LCLAT1: variants seen among roughly 807,000 people sequenced by gnomAD.
LCLAT1 encodes 1-AGP acyltransferase 8.
LCLAT1 carries 11 observed loss-of-function variants against 30.7 expected under a neutral mutation model. The observed-to-expected ratio is 0.36, with a 90% confidence interval of 0.23 to 0.59. LCLAT1 has a LOEUF of 0.59. Among genes scored for constraint, LCLAT1 ranks in the 20% least tolerant of loss-of-function variants. LCLAT1 has a pLI of 0.77. For synonymous variants in LCLAT1, 155 were observed against 151.3 expected (o/e 1.02, Z -0.18); for missense variants, 402 against 458.6 (o/e 0.88, Z 1.13).
chr2:30,510,675 T>A (rs755954963), intron 1 of LCLAT1, among the ~76,000 whole-genome samples: 7 of 152,154 alleles, frequency 4.6e-5, no homozygotes, highest in Non-Finnish European at 7.4e-5. Context: ...CCTCTCCAAT[T>A]TCTCACAACT....
chr2:30,587,893 C>G (rs1666513450), intron 5 of LCLAT1, among the ~76,000 whole-genome samples: 1 of 152,014 alleles, frequency 6.6e-6, no homozygotes, highest in African/African-American at 2.4e-5. Flanking sequence ...GTAGTAATTC[C>G]AAATGTCCCC....
chr2:30,524,782 T>G (rs1348195015), intron 1 of LCLAT1, among the ~76,000 whole-genome samples: 1 of 152,172 alleles, frequency 6.6e-6, no homozygotes, highest in African/African-American at 2.4e-5. Flanking sequence ...TATTAATCTC[T>G]CACCACGCCT....
intron 3 of LCLAT1, among the ~76,000 whole-genome samples, chr2:30,546,656 AATTTT>A (rs918743048): frequency 1.8e-4 from 28 of 152,320 alleles, no homozygotes; most frequent in African/African-American, 6.7e-4. Context: ...AAGTCACCTT[AATTTT>A]ATTTACTATC....
At chr2:30,459,565 G>C (rs777496512) in intron 1 of LCLAT1, 3 of 1,300,896 alleles carry the variant, frequency 2.3e-6, no homozygotes, top group Non-Finnish European at 3.4e-6. Context: ...GAAAAACAGA[G>C]TGGGTACTCT....
chr2:30,505,183 T>G (rs1684594918), intron 1 of LCLAT1, among the ~76,000 whole-genome samples: 1 of 152,106 alleles, frequency 6.6e-6, no homozygotes, highest in African/African-American at 2.4e-5. Context: ...TTCTCTAGGG[T>G]AAATACTAAG....
intron 1 of LCLAT1, among the ~76,000 whole-genome samples, chr2:30,493,035 G>GT (rs1172750726): frequency 6.6e-6 from 1 of 152,110 alleles, no homozygotes; most frequent in Non-Finnish European, 1.5e-5. Flanking sequence ...TGAACCCCAT[G>GT]TTTTTTCTTT....
At chr2:30,530,146 A>G (rs990547918) in intron 2 of LCLAT1, among the ~76,000 whole-genome samples, 5 of 152,250 alleles carry the variant, frequency 3.3e-5, no homozygotes, top group Admixed American at 3.3e-4. Context: ...AATTATCAGA[A>G]TTGTTACTCT....
chr2:30,577,683 C>G (rs1572649037), intron 5 of LCLAT1, among the ~76,000 whole-genome samples: 1 of 152,106 alleles, frequency 6.6e-6, no homozygotes, highest in South Asian at 2.1e-4. Context: ...AATACACTAA[C>G]AGACAGTAAT....
At chr2:30,476,379 C>T in intron 1 of LCLAT1, 1 of 456,624 alleles carries the variant, frequency 2.2e-6, no homozygotes, top group South Asian at 1.5e-5. Flanking sequence ...GGACAGCAAT[C>T]AAAGTTTCAT....
intron 2 of LCLAT1, among the ~76,000 whole-genome samples, chr2:30,532,595 G>C (rs913300861): frequency 6.6e-6 from 1 of 152,052 alleles, no homozygotes. Flanking sequence ...ACTAAGGCTT[G>C]TAGTATTTTA....
chr2:30,640,283 G>A lies in LCLAT1; in HGVS notation c.795G>A (p.Trp265Ter). 1.2e-6 allele frequency: 2 copies of A among 1,614,176 alleles called. No homozygotes were observed. The highest frequency in any genetic ancestry group is 1.1e-5 in the South Asian group (1 of 91,082). ...CATCCAAGGAGGACCTTCAACTCTG[G>A]TGCCACAAACGGTGGGAAGAGAAAG... Reference protein sequence around the residue: ...LPTSKEDLQLWCHKRWEEKEE... With the variant: ...LPTSKEDLQL Residue 265 changes from tryptophan to a stop codon, truncating the protein, a stop_gained, in exon 6 of 6, where the codon TGG (tryptophan) becomes TGA (stop). Coordinates refer to ENST00000379509, the MANE Select transcript of LCLAT1 (RefSeq NM_001002257.3). LOFTEE classifies it high-confidence loss of function.
intron 1 of LCLAT1, among the ~76,000 whole-genome samples, chr2:30,472,960 G>A (rs1682869799): frequency 6.6e-6 from 1 of 151,916 alleles, no homozygotes; most frequent in African/African-American, 2.4e-5. Context: ...AACTATTTTT[G>A]CATTAAATCA....
chr2:30,576,120 G>C (rs190053443), intron 5 of LCLAT1, among the ~76,000 whole-genome samples: 1 of 152,170 alleles, frequency 6.6e-6, no homozygotes, highest in East Asian at 1.9e-4. Context: ...AAATATTGGT[G>C]CCCTGTATAA....
At chr2:30,588,133 G>T (rs926858269) in intron 5 of LCLAT1, among the ~76,000 whole-genome samples, 2 of 152,158 alleles carry the variant, frequency 1.3e-5, no homozygotes, top group Admixed American at 1.3e-4. Context: ...GGCTGTATAG[G>T]CCAGAAACAT....
Position 30,568,287 on chromosome 2 carries a change from A to G in LCLAT1, c.628+111A>G. ...GATTTTTTACTACTTTGTCTCAAGAAATGAGATATTGTATTTTTATTCCAA... is the reference window on the plus strand; with the variant it reads ...GATTTTTTACTACTTTGTCTCAAGAGATGAGATATTGTATTTTTATTCCAA... On this transcript the variant is annotated intron_variant, in intron 5 of 5. Coordinates refer to ENST00000379509, the MANE Select transcript of LCLAT1 (RefSeq NM_001002257.3). 10 of 549,564 alleles carry G rather than the reference A, an allele frequency of 1.8e-5. No individual in the cohort carries two copies. In the South Asian group the frequency reaches 2.7e-4, roughly 15 times the overall value. 34.0% of individuals were successfully genotyped at this position (549,564 alleles called of 1,614,324 possible).
chr2:30,607,627 A>G (rs1667517441), intron 5 of LCLAT1: 1 of 152,130 alleles, frequency 6.6e-6, no homozygotes, highest in Admixed American at 6.5e-5. Context: ...TTACTGTACT[A>G]TACTTTTTAT....
At chr2:30,633,854 C>G (rs1668888059) in intron 5 of LCLAT1, among the ~76,000 whole-genome samples, 1 of 152,118 alleles carries the variant, frequency 6.6e-6, no homozygotes, top group Non-Finnish European at 1.5e-5. Flanking sequence ...CATGAGCAAA[C>G]CAGGATTTCT....
At chr2:30,454,777 A>T (rs537652969) in intron 1 of LCLAT1, among the ~76,000 whole-genome samples, 11 of 152,260 alleles carry the variant, frequency 7.2e-5, no homozygotes. Flanking sequence ...TAACATGGTG[A>T]TTCATTAAGA....
At chr2:30,517,677 C>G (rs1685247111) in intron 1 of LCLAT1, among the ~76,000 whole-genome samples, 1 of 151,990 alleles carries the variant, frequency 6.6e-6, no homozygotes, top group African/African-American at 2.4e-5. Flanking sequence ...GCTGTGTTCC[C>G]AAAATCCATC....
Sources: gnomAD v4.1 joint callset for allele counts (sites outside exome capture counted in the v4.1 genomes callset) on GRCh38, gnomAD v4.1.1 for gene constraint, MANE v1.5 for transcripts, NCBI Gene and HGNC (gene_info 2026-07-23, HGNC 2026-07-21) for gene names.